RSPH14: variants seen among roughly 807,000 people sequenced by gnomAD.
RSPH14 encodes the protein radial spoke head 14 homolog.
RSPH14 carries 20 observed loss-of-function variants against 26.7 expected under a neutral mutation model. That is an observed-to-expected ratio of 0.75 (90% CI 0.53 to 1.09). The LOEUF (loss-of-function observed/expected upper bound fraction) is 1.09. Among genes scored for constraint, RSPH14 ranks in the 50% least tolerant of loss-of-function variants. The pLI is 0.00. For synonymous variants in RSPH14, 177 were observed against 189.3 expected (o/e 0.93, Z 0.53); for missense variants, 449 against 457.2 (o/e 0.98, Z 0.16).
rs755459742 is a variant in RSPH14 at position 23,095,974 on chromosome 22, C to T, written c.422-31841G>A. On this transcript the variant is annotated intron_variant, in intron 4 of 6. Transcript: ENST00000216036. ...TCCGGGCCCTGGCCGCCCTCAGGAT[C>T]GACTTCCACAACCCCGACCGCGCCT... 13 of 1,611,162 alleles carry T rather than the reference C, an allele frequency of 8.1e-6. No homozygotes were observed. The South Asian group carries it at 1.1e-4, about 14-fold the overall frequency.
intron 4 of RSPH14, among the ~76,000 whole-genome samples, chr22:23,088,506 A>G (rs5759583): frequency 0.35 from 52,601 of 152,108 alleles, 9,958 homozygotes; most frequent in African/African-American, 0.51. Context: ...AACTGGGGTC[A>G]GGATGGGGGT....
chr22:23,121,854 T>TGCCCAA (rs891114075), intron 4 of RSPH14, among the ~76,000 whole-genome samples: 3 of 151,856 alleles, frequency 2.0e-5, no homozygotes, highest in Non-Finnish European at 4.4e-5. Context: ...CCCAAGGAGC[T>TGCCCAA]GGGATTACAG....
At chr22:23,130,071 GAAA>G (rs1569192335) in intron 4 of RSPH14, among the ~76,000 whole-genome samples, 2 of 28,842 alleles carry the variant, frequency 6.9e-5, no homozygotes, top group African/African-American at 2.0e-4. Context: ...AAGAAAGAAA[GAAA>G]GAAAGAAAGG....
chr22:23,146,680 C>T, upstream of RSPH14: 2 of 1,613,880 alleles, frequency 1.2e-6, no homozygotes, highest in Non-Finnish European at 1.7e-6. Context: ...CGCCAGCTTC[C>T]CTAAGGTAGA....
At chr22:23,062,789 C>T (rs576514625) in intron 5 of RSPH14, among the ~76,000 whole-genome samples, 1 of 152,230 alleles carries the variant, frequency 6.6e-6, no homozygotes, top group East Asian at 1.9e-4. Context: ...TTCCCTGATT[C>T]GTTCACACAG....
intron 2 of RSPH14, 119 bp from the exon 3 acceptor site, chr22:23,139,061 C>G: frequency 1.4e-6 from 1 of 720,266 alleles, no homozygotes; most frequent in East Asian, 2.7e-5. Context: ...AGAGTTTCTG[C>G]TGCTTTGGGG....
intron 4 of RSPH14, among the ~76,000 whole-genome samples, chr22:23,066,376 G>C (rs2068211348): frequency 6.6e-6 from 1 of 152,154 alleles, no homozygotes; most frequent in Non-Finnish European, 1.5e-5. Flanking sequence ...TCCTTGGTGA[G>C]GAAACTGAGG....
At chr22:23,104,906 G>A (rs752050550) in intron 4 of RSPH14, among the ~76,000 whole-genome samples, 1 of 152,194 alleles carries the variant, frequency 6.6e-6, no homozygotes, top group Non-Finnish European at 1.5e-5. Context: ...GGCATCTCAG[G>A]GGGGACACCC....
intron 4 of RSPH14, among the ~76,000 whole-genome samples, chr22:23,130,515 A>AGAAAGAAAGAAAGAAAGAAAGAAAGAAG (rs1569193204): frequency 2.0e-5 from 3 of 151,378 alleles, no homozygotes; most frequent in East Asian, 3.9e-4. Flanking sequence ...AAAGAAAGAA[A>AGAAAGAAAGAAAGAAAGAAAGAAAGAAG]GAAAGAAAGA....
At chr22:23,174,002 G>A in the RSPH14 span, among the ~76,000 whole-genome samples, 1 of 152,020 alleles carries the variant, frequency 6.6e-6, no homozygotes, top group Non-Finnish European at 1.5e-5. Flanking sequence ...GAGCCACTGT[G>A]CCCAGCCTCT....
At chr22:23,059,762 C>T in intron 6 of RSPH14, 44 bp from the exon 7 acceptor site, 2 of 1,489,900 alleles carry the variant, frequency 1.3e-6, no homozygotes, top group Non-Finnish European at 1.8e-6. Flanking sequence ...CCCAAGGGGC[C>T]CTCTTCTCAC....
chr22:23,103,205 A>T (rs1380956907), intron 4 of RSPH14, among the ~76,000 whole-genome samples: 1 of 152,164 alleles, frequency 6.6e-6, no homozygotes, highest in African/African-American at 2.4e-5. Flanking sequence ...GTTTGACATT[A>T]TATTTGTGGC....
At chr22:23,079,298 G>A (rs1483077842) in intron 4 of RSPH14, among the ~76,000 whole-genome samples, 1 of 152,234 alleles carries the variant, frequency 6.6e-6, no homozygotes, top group Admixed American at 6.5e-5. Context: ...CCTAAGGAAG[G>A]GACATCTGAG....
the RSPH14 span, chr22:23,157,892 G>A: frequency 3.2e-6 from 5 of 1,583,030 alleles, no homozygotes; most frequent in African/African-American, 2.7e-5. Context: ...TGGTTGGGGG[G>A]CTGCCCTGGC....
At chr22:23,180,515 T>C in the RSPH14 span, 1 of 174,906 alleles carries the variant, frequency 5.7e-6, no homozygotes, top group African/African-American at 2.4e-5. Context: ...CGGCGCAGAG[T>C]GCGGGCCGGG....
At chr22:23,091,902 G>A (rs2068990977) in intron 4 of RSPH14, among the ~76,000 whole-genome samples, 1 of 152,070 alleles carries the variant, frequency 6.6e-6, no homozygotes, top group African/African-American at 2.4e-5. Flanking sequence ...CCTTCCTTCA[G>A]TTCCCCTTTG....
chr22:23,137,863 T>C (rs2070510513), intron 3 of RSPH14: 1 of 169,980 alleles, frequency 5.9e-6, no homozygotes, highest in Admixed American at 6.2e-5. Flanking sequence ...GCTGTAACAC[T>C]GGGGTTTTGT....
chr22:23,129,167 C>T (rs767694217), intron 4 of RSPH14, among the ~76,000 whole-genome samples: 2 of 152,172 alleles, frequency 1.3e-5, no homozygotes, highest in African/African-American at 4.8e-5. Flanking sequence ...CAGTCACACT[C>T]GCTAATCCAG....
At chr22:23,096,501 A>G (rs917609861) in intron 4 of RSPH14, 15 of 1,397,644 alleles carry the variant, frequency 1.1e-5, no homozygotes, top group Admixed American at 2.1e-5. Context: ...GGTCCAGGAC[A>G]GTCTGCAGCC....
Sources: gnomAD v4.1 joint callset for allele counts (sites outside exome capture counted in the v4.1 genomes callset) on GRCh38, gnomAD v4.1.1 for gene constraint, MANE v1.5 for transcripts, NCBI Gene and HGNC (gene_info 2026-07-23, HGNC 2026-07-21) for gene names.